Variants in ARSJ observed in about 807,000 individuals in gnomAD.
ARSJ encodes arylsulfatase J.
Under a neutral mutation model 35.9 loss-of-function variants are expected in ARSJ, and 26 were observed. The ratio of observed to expected loss-of-function variants is 0.72; its 90% CI spans 0.53 to 1.00. ARSJ has a LOEUF of 1.00. ARSJ is among the 50% of genes least tolerant of loss of function. The probability of loss-of-function intolerance (pLI) is 0.00; values close to 1 mark genes in which losing one functional copy is unlikely to be tolerated. For synonymous variants in ARSJ, 294 were observed against 267.6 expected (o/e 1.10, Z -0.96); for missense variants, 667 against 723.6 (o/e 0.92, Z 0.90).
chr4:113,928,165 G>T (rs886958701), intron 1 of ARSJ, among the ~76,000 whole-genome samples: 8 of 152,098 alleles, frequency 5.3e-5, no homozygotes, highest in African/African-American at 1.7e-4. Flanking sequence ...GGGTTCCCTG[G>T]AATTAATGTC....
rs1250881325 is a variant in ARSJ at position 113,978,657 on chromosome 4, C to T, written c.178G>A (p.Ala60Thr). 6.2e-7 allele frequency: 1 copy of T among 1,614,212 alleles called. No homozygotes were observed. Among genetic ancestry groups the T allele is most frequent in the Non-Finnish European group, 8.5e-7 (1 of 1,180,016 alleles). Residue 60 changes from alanine (A) to threonine (T), a missense_variant, in exon 1 of 2, where the codon GCT (alanine) becomes ACT (threonine). Transcript: ENST00000315366. The stretch of plus-strand genomic sequence containing the variant: ...GGCTCTAGTTTCTCTCCAGCTTGAG[C>T]TAGTAAGGCCCCTTCTTCCTCCTCT... ...LEEEEEGALLAQAGEKLEPST... is the reference protein window; with the variant it reads ...LEEEEEGALLTQAGEKLEPST...
At chr4:113,940,631 T>G (rs770379128) in intron 1 of ARSJ, among the ~76,000 whole-genome samples, 6 of 149,634 alleles carry the variant, frequency 4.0e-5, no homozygotes, top group Non-Finnish European at 8.9e-5. Flanking sequence ...ATCCTGCACA[T>G]GTACCCTGGA....
At chr4:113,934,893 G>T (rs1446325250) in intron 1 of ARSJ, among the ~76,000 whole-genome samples, 1 of 151,672 alleles carries the variant, frequency 6.6e-6, no homozygotes, top group Admixed American at 6.6e-5. Context: ...TACTACACTG[G>T]AATATGAATT....
chr4:113,927,707 G>T (rs1724160773), intron 1 of ARSJ, among the ~76,000 whole-genome samples: 1 of 152,126 alleles, frequency 6.6e-6, no homozygotes, highest in African/African-American at 2.4e-5. Context: ...GTCACTACTT[G>T]GTTATGCTTA....
intron 1 of ARSJ, among the ~76,000 whole-genome samples, chr4:113,965,634 TA>T (rs1469037078): frequency 6.6e-6 from 1 of 152,084 alleles, no homozygotes; most frequent in Non-Finnish European, 1.5e-5. Flanking sequence ...GAATATATAT[TA>T]GAGGGTAATG....
chr4:113,941,813 A>T (rs7678418), intron 1 of ARSJ, among the ~76,000 whole-genome samples: 130 of 151,970 alleles, frequency 8.6e-4, no homozygotes, highest in African/African-American at 2.9e-3. Context: ...AACAAGAATG[A>T]TTAAAAATCT....
In ARSJ at chr4:113,915,028, C is replaced by A. The variant is rs1723207288; in HGVS notation, c.399-11353G>T. ...TAAACACTGCATTAATTTGGTATGA[C>A]CAGACTCCCAAGGCTACAGGCATCT... is the stretch of plus-strand genomic sequence containing the variant. On this transcript the variant is annotated intron_variant, in intron 1 of 1. Transcript: ENST00000315366. 2.0e-5 allele frequency among the ~76,000 whole-genome samples: 3 copies of A among 152,234 alleles called. No individual in the cohort carries two copies. The South Asian group carries it at 6.2e-4, about 32-fold the overall frequency.
intron 1 of ARSJ, among the ~76,000 whole-genome samples, chr4:113,930,352 C>G (rs191499235): frequency 1.3e-5 from 2 of 152,090 alleles, no homozygotes; most frequent in Non-Finnish European, 2.9e-5. Context: ...CCAGTCTCAC[C>G]TTTTCACGTT....
At chr4:113,906,516 C>A in intron 1 of ARSJ, 1 of 197,012 alleles carries the variant, frequency 5.1e-6, no homozygotes. Context: ...AAACCAGCAA[C>A]ATAAAAGTTT....
intron 1 of ARSJ, among the ~76,000 whole-genome samples, chr4:113,947,100 T>C (rs1265832493): frequency 6.6e-6 from 1 of 152,096 alleles, no homozygotes; most frequent in African/African-American, 2.4e-5. Context: ...TTAGATTAAG[T>C]TTTTGCCAAT....
At chr4:113,939,534 A>G (rs1458842493) in intron 1 of ARSJ, among the ~76,000 whole-genome samples, 1 of 152,174 alleles carries the variant, frequency 6.6e-6, no homozygotes, top group Admixed American at 6.5e-5. Flanking sequence ...CCAACAGTGT[A>G]AAAGTGTTCC....
chr4:113,937,136 G>C (rs575880116), intron 1 of ARSJ, among the ~76,000 whole-genome samples: 1 of 151,876 alleles, frequency 6.6e-6, no homozygotes, highest in Non-Finnish European at 1.5e-5. Flanking sequence ...CAGTGGTACT[G>C]GGAAGATTCA....
intron 1 of ARSJ, among the ~76,000 whole-genome samples, chr4:113,952,636 G>A (rs755321481): frequency 6.6e-6 from 1 of 152,038 alleles, no homozygotes; most frequent in Admixed American, 6.6e-5. Flanking sequence ...GTCACTAGAG[G>A]GAAATAGAGG....
At chr4:113,920,386 G>A (rs1277246281) in intron 1 of ARSJ, among the ~76,000 whole-genome samples, 1 of 152,116 alleles carries the variant, frequency 6.6e-6, no homozygotes, top group Non-Finnish European at 1.5e-5. Context: ...ATACACTGTG[G>A]ACAATAATAT....
chr4:113,902,707 A>G lies in ARSJ; in HGVS notation c.1367T>C (p.Leu456Ser), dbSNP rs779716976. ...QSAIRVQHWK[L>S]LTGNPGYSDW... ...GCTGTAGCCAGGATTTCCTGTAAGCAATTTCCAGTGCTGCACTCTGATGGC... is the reference window on the plus strand; with the variant it reads ...GCTGTAGCCAGGATTTCCTGTAAGCGATTTCCAGTGCTGCACTCTGATGGC... Residue 456 changes from leucine to serine, a missense_variant, in exon 2 of 2, where the codon TTG becomes TCG. Leu to Ser is a moderately radical substitution (Grantham distance 145). Transcript: ENST00000315366. 7 of 1,614,218 alleles carry G rather than the reference A, an allele frequency of 4.3e-6. No homozygotes were observed. In the South Asian group the frequency reaches 6.6e-5, roughly 15 times the overall value.
intron 1 of ARSJ, chr4:113,946,405 A>C (rs953357265): frequency 1.3e-5 from 2 of 152,060 alleles, no homozygotes; most frequent in Non-Finnish European, 2.9e-5. Flanking sequence ...TAGGTGCATA[A>C]AAAATTGTGC....
intron 1 of ARSJ, among the ~76,000 whole-genome samples, chr4:113,916,485 T>A (rs1723306740): frequency 6.6e-6 from 1 of 151,866 alleles, no homozygotes; most frequent in Non-Finnish European, 1.5e-5. Flanking sequence ...TGTAAAATTT[T>A]ATAAAAATGC....
At chr4:113,909,930 C>T (rs1027471894) in intron 1 of ARSJ, among the ~76,000 whole-genome samples, 4 of 152,030 alleles carry the variant, frequency 2.6e-5, no homozygotes, top group African/African-American at 9.7e-5. Flanking sequence ...GGGAAGATTC[C>T]ACAAACATCG....
Position 113,979,201 on chromosome 4 carries a change from G to A in ARSJ, c.-367C>T, listed in dbSNP as rs958935958. On this transcript the variant is annotated 5_prime_UTR_variant, in exon 1 of 2. It adds an upstream start codon to the 5' untranslated region. Coordinates refer to ENST00000315366, the MANE Select transcript of ARSJ (RefSeq NM_024590.4). ...GAATCACAGTGGACAGGAACTTTTC[G>A]TGGCCAGAGCGCCCTCGACGTTGGG... 4 of 175,854 alleles carry A rather than the reference G, an allele frequency of 2.3e-5. No individual in the cohort carries two copies. Among genetic ancestry groups the A allele is most frequent in the Non-Finnish European group, 3.6e-5 (3 of 82,472 alleles). The allele number at this position is 175,854 out of a possible 1,614,324, so 10.9% of individuals were successfully genotyped here.
Sources: gnomAD v4.1 joint callset for allele counts (sites outside exome capture counted in the v4.1 genomes callset) on GRCh38, gnomAD v4.1.1 for gene constraint, MANE v1.5 for transcripts, NCBI Gene and HGNC (gene_info 2026-07-23, HGNC 2026-07-21) for gene names.